Variants in CMSS1 observed in about 807,000 individuals in gnomAD.
The protein encoded by CMSS1 is protein CMSS1.
A neutral mutation model predicts 43.5 loss-of-function variants in CMSS1; 33 were observed. The ratio of observed to expected loss-of-function variants is 0.76; its 90% CI spans 0.57 to 1.01. The LOEUF (loss-of-function observed/expected upper bound fraction) is 1.01, where lower values mean the gene tolerates loss of function less well. Among genes scored for constraint, CMSS1 ranks in the 50% least tolerant of loss-of-function variants. The pLI is 0.00. For missense variants in CMSS1, 313 were observed against 326.4 expected (o/e 0.96, Z 0.32); for synonymous variants, 115 against 117.2 (o/e 0.98, Z 0.12).
intron 1 of CMSS1, among the ~76,000 whole-genome samples, chr3:99,986,791 G>C (rs1709354532): frequency 6.6e-6 from 1 of 152,176 alleles, no homozygotes; most frequent in African/African-American, 2.4e-5. Context: ...CTAGTGAGTA[G>C]AAGCCAGGGT....
At chr3:100,090,162 A>G (rs1181976766) in intron 1 of CMSS1, among the ~76,000 whole-genome samples, 1 of 152,082 alleles carries the variant, frequency 6.6e-6, no homozygotes, top group Non-Finnish European at 1.5e-5. Flanking sequence ...CTAAACTATG[A>G]AGCACTCTAT....
chr3:100,035,548 A>G (rs2107272898), intron 1 of CMSS1, among the ~76,000 whole-genome samples: 1 of 152,280 alleles, frequency 6.6e-6, no homozygotes, highest in Non-Finnish European at 1.5e-5. Context: ...CAGGCGTGAG[A>G]CACTGCACAC....
Position 99,849,547 on chromosome 3 carries a change from GCTT to G in CMSS1, c.64+31514_64+31516del, listed in dbSNP as rs749900665. On this transcript the variant is annotated intron_variant, in intron 1 of 9. Coordinates refer to ENST00000421999, the MANE Select transcript of CMSS1 (RefSeq NM_032359.4). ...TTCTCTTGAGAGGTGCCCTGACTTAGCTTCTTCTTCTTGAAGCCTTTTGAAAAG... is the reference window on the plus strand; with the variant it reads ...TTCTCTTGAGAGGTGCCCTGACTTAGCTTCTTCTTGAAGCCTTTTGAAAAG... The G allele has an allele frequency of 1.1e-5, 17 of 1,613,184 alleles. No individual in the cohort carries two copies. In the East Asian group the frequency reaches 1.6e-4, roughly 15 times the overall value.
At chr3:99,988,244 TC>T (rs1377084801) in intron 1 of CMSS1, among the ~76,000 whole-genome samples, 1 of 149,246 alleles carries the variant, frequency 6.7e-6, no homozygotes, top group Non-Finnish European at 1.5e-5. Context: ...ACGCCTGTAA[TC>T]CCAGCACTTT....
chr3:100,010,290 GA>G (rs1559724060), intron 1 of CMSS1: 1 of 206,924 alleles, frequency 4.8e-6, no homozygotes, highest in African/African-American at 2.4e-5. Context: ...GTTCTGCATG[GA>G]AGGAAAAAAA....
chr3:99,986,282 G>T (rs974075155), intron 1 of CMSS1, among the ~76,000 whole-genome samples: 10 of 152,174 alleles, frequency 6.6e-5, no homozygotes, highest in African/African-American at 2.4e-4. Context: ...CCAGGAACAG[G>T]TGTTTTTTCA....
At chr3:99,831,352 T>G (rs1942664636) in intron 1 of CMSS1, among the ~76,000 whole-genome samples, 1 of 152,224 alleles carries the variant, frequency 6.6e-6, no homozygotes, top group South Asian at 2.1e-4. Flanking sequence ...ACCCATGCTA[T>G]TGGTTGTTAA....
intron 1 of CMSS1, among the ~76,000 whole-genome samples, chr3:100,027,950 G>A (rs1250893251): frequency 3.3e-5 from 5 of 151,948 alleles, no homozygotes; most frequent in Non-Finnish European, 7.4e-5. Context: ...GCAGACCATG[G>A]TAAGGAGTTT....
intron 1 of CMSS1, among the ~76,000 whole-genome samples, chr3:100,142,023 T>A: frequency 6.6e-6 from 1 of 152,208 alleles, no homozygotes; most frequent in Admixed American, 6.5e-5. Context: ...GTTTCTTCTT[T>A]TGGAATCAAA....
At chr3:100,045,952 G>A (rs912479081) in intron 1 of CMSS1, among the ~76,000 whole-genome samples, 46 of 152,130 alleles carry the variant, frequency 3.0e-4, no homozygotes, top group Admixed American at 9.2e-4. Flanking sequence ...GGGTGGATGA[G>A]AGAAGGGAAG....
intron 1 of CMSS1, among the ~76,000 whole-genome samples, chr3:100,062,093 CTTTTTTTTTTTTT>C (rs71907944): frequency 0.011 from 591 of 53,180 alleles, 9 homozygotes; most frequent in South Asian, 0.017. Flanking sequence ...CTGTCTTCTT[CTTTTTTTTTTTTT>C]TTTTTTTTTT....
chr3:99,928,565 A>G lies in CMSS1; in HGVS notation c.64+110522A>G, dbSNP rs542386617. Among the ~76,000 whole-genome samples, 38 of 152,300 alleles carry G rather than the reference A, an allele frequency of 2.5e-4. 1 individual carries two copies. In the South Asian group the frequency reaches 7.7e-3, roughly 31 times the overall value. ...CATTTGTAGAAGGGGGGTATTTCCA[A>G]TTTTGCATGTGCACAATAGAATTAT... On this transcript the variant is annotated intron_variant, in intron 1 of 9. Coordinates refer to ENST00000421999, the MANE Select transcript of CMSS1 (RefSeq NM_032359.4).
intron 1 of CMSS1, among the ~76,000 whole-genome samples, chr3:100,052,971 G>A (rs1377569994): frequency 1.3e-5 from 2 of 151,982 alleles, no homozygotes; most frequent in East Asian, 3.9e-4. Flanking sequence ...TCATCCCTGG[G>A]ATAAATGCTC....
chr3:99,871,529 C>G (rs560544058), intron 1 of CMSS1, among the ~76,000 whole-genome samples: 1 of 152,128 alleles, frequency 6.6e-6, no homozygotes, highest in Non-Finnish European at 1.5e-5. Context: ...TGTCACATCA[C>G]AGTGCACAGT....
At position 100,031,747 on chromosome 3, in the gene CMSS1, T is replaced by G. The variant is rs190411922; in HGVS notation, c.65-115226T>G. Among the ~76,000 whole-genome samples the G allele has an allele frequency of 3.8e-3, 573 of 152,286 alleles. 7 individuals are homozygous for G. Among genetic ancestry groups the G allele is most frequent in the African/African-American group, 0.013 (552 of 41,564 alleles). On this transcript the variant is annotated intron_variant, in intron 1 of 9. Coordinates refer to ENST00000421999, the MANE Select transcript of CMSS1 (RefSeq NM_032359.4). The stretch of plus-strand genomic sequence containing the variant: ...GAGGGAGGACCTTGTATTTTACGTT[T>G]ATTTGCCTCACTTTCTCCAAAGGGA...
At chr3:100,149,365 C>A (rs184319101) in intron 2 of CMSS1, among the ~76,000 whole-genome samples, 37 of 152,270 alleles carry the variant, frequency 2.4e-4, no homozygotes, top group Admixed American at 1.8e-3. Context: ...CTTTCACTTT[C>A]CTTTTTACCT....
intron 1 of CMSS1, among the ~76,000 whole-genome samples, chr3:100,079,391 A>G (rs922134338): frequency 6.6e-6 from 1 of 152,214 alleles, no homozygotes; most frequent in Admixed American, 6.5e-5. Flanking sequence ...GTTGCTTAGT[A>G]AATATTTGTT....
chr3:99,914,539 A>T (rs552642494), intron 1 of CMSS1, among the ~76,000 whole-genome samples: 8 of 152,314 alleles, frequency 5.3e-5, no homozygotes, highest in Non-Finnish European at 1.0e-4. Context: ...ACATCATATC[A>T]TGTTTAAATT....
intron 1 of CMSS1, among the ~76,000 whole-genome samples, chr3:99,980,219 G>A (rs1046161599): frequency 6.6e-6 from 1 of 152,128 alleles, no homozygotes; most frequent in Admixed American, 6.5e-5. Context: ...TAAGAGTCTA[G>A]GAGCTGGTGC....
Sources: gnomAD v4.1 joint callset for allele counts (sites outside exome capture counted in the v4.1 genomes callset) on GRCh38, gnomAD v4.1.1 for gene constraint, MANE v1.5 for transcripts, NCBI Gene and HGNC (gene_info 2026-07-23, HGNC 2026-07-21) for gene names.